NME7: variants seen among roughly 807,000 people sequenced by gnomAD.
NME7 encodes the protein nucleoside diphosphate kinase 7.
Under a neutral mutation model 49.1 loss-of-function variants are expected in NME7, and 41 were observed. The observed-to-expected ratio is 0.83, with a 90% CI of 0.65 to 1.08. The LOEUF (loss-of-function observed/expected upper bound fraction) is 1.08. Ranked by LOEUF, NME7 falls within the 50% of genes least tolerant of loss-of-function variation. The pLI is 0.00. For synonymous variants in NME7, 139 were observed against 150.6 expected, an observed-to-expected ratio of 0.92 and a Z score of 0.56; for missense variants, 423 against 463.4, an observed-to-expected ratio of 0.91 and a Z score of 0.80.
At chr1:169,350,134 G>C (rs936374742) in intron 1 of NME7, among the ~76,000 whole-genome samples, 6 of 151,322 alleles carry the variant, frequency 4.0e-5, no homozygotes, top group African/African-American at 1.5e-4. Context: ...GGAGGTTGCA[G>C]TGACCCAAGA....
intron 9 of NME7, 52 bp from the exon 10 acceptor site, chr1:169,230,871 C>T (rs1647584395): frequency 1.6e-6 from 2 of 1,277,954 alleles, no homozygotes; most frequent in African/African-American, 1.5e-5. Context: ...TTTTAACTCT[C>T]CCCTTTTAAT....
intron 6 of NME7, among the ~76,000 whole-genome samples, chr1:169,290,391 C>T (rs982993678): frequency 6.6e-6 from 1 of 152,038 alleles, no homozygotes; most frequent in Admixed American, 6.6e-5. Flanking sequence ...CTTTGACAAA[C>T]CTGACAAAAA....
chr1:169,223,520 A>G (rs1661207543), intron 10 of NME7, among the ~76,000 whole-genome samples: 1 of 152,184 alleles, frequency 6.6e-6, no homozygotes, highest in Non-Finnish European at 1.5e-5. Context: ...ATTTACTTAG[A>G]TGCTCAAATT....
intron 11 of NME7, among the ~76,000 whole-genome samples, chr1:169,161,539 T>C (rs1469818365): frequency 6.6e-6 from 1 of 152,202 alleles, no homozygotes; most frequent in African/African-American, 2.4e-5. Flanking sequence ...GAAGTAATTA[T>C]GTATCCAAAT....
chr1:169,314,684 G>A (rs1651541868), intron 3 of NME7, among the ~76,000 whole-genome samples: 1 of 151,878 alleles, frequency 6.6e-6, no homozygotes. Context: ...GTTGAAAGGT[G>A]CAGCAAACCA....
intron 7 of NME7, among the ~76,000 whole-genome samples, chr1:169,283,616 C>T (rs527943402): frequency 6.6e-6 from 1 of 152,138 alleles, no homozygotes; most frequent in Non-Finnish European, 1.5e-5. Context: ...GTGCTTCTTT[C>T]AAGAGCTCTC....
intron 11 of NME7, among the ~76,000 whole-genome samples, chr1:169,135,661 C>G (rs1339704522): frequency 6.6e-6 from 1 of 152,084 alleles, no homozygotes; most frequent in African/African-American, 2.4e-5. Flanking sequence ...GAAAGATGAT[C>G]AAGAAATAGA....
chr1:169,242,396 T>G (rs1438857342), intron 7 of NME7, among the ~76,000 whole-genome samples: 1 of 151,082 alleles, frequency 6.6e-6, no homozygotes, highest in African/African-American at 2.4e-5. Flanking sequence ...TCAAAAAAAC[T>G]GTAAGAAAAA....
rs1010585416 is a variant in NME7, at chr1:169,267,009, C to T, written c.754+20294G>A. ...CTTGAACCTGGGAGGTGGAGGTTGC[C>T]GTGAGCCGAGATCATGCCACTGCAC... On this transcript the variant is annotated intron_variant, in intron 7 of 11. Transcript: ENST00000367811. 7.6e-5 allele frequency among the ~76,000 whole-genome samples: 10 copies of T among 132,386 alleles called. 2 individuals carry two copies. The highest frequency in any genetic ancestry group is 4.5e-4 in the Admixed American group (6 of 13,476). 86.9% of individuals were successfully genotyped at this position (132,386 alleles called of 152,430 possible).
At chr1:169,219,023 A>G (rs1318211841) in intron 10 of NME7, among the ~76,000 whole-genome samples, 2 of 152,114 alleles carry the variant, frequency 1.3e-5, no homozygotes, top group African/African-American at 2.4e-5. Context: ...TTAATTTCCT[A>G]TAAGTAGGAG....
At chr1:169,245,682 A>G (rs1558005126) in intron 7 of NME7, among the ~76,000 whole-genome samples, 1 of 152,212 alleles carries the variant, frequency 6.6e-6, no homozygotes, top group African/African-American at 2.4e-5. Context: ...TTTAAAATTT[A>G]AATCTAGTGA....
chr1:169,349,164 C>A (rs1359972647), intron 1 of NME7, among the ~76,000 whole-genome samples: 1 of 151,928 alleles, frequency 6.6e-6, no homozygotes, highest in Non-Finnish European at 1.5e-5. Flanking sequence ...AAAGTGAGAG[C>A]AAGTTTATTA....
chr1:169,284,111 A>G (rs191571449), intron 7 of NME7: 34 of 152,246 alleles, frequency 2.2e-4, no homozygotes, highest in African/African-American at 7.9e-4. Flanking sequence ...GTCTTTTCAC[A>G]TAATCCCATA....
At chr1:169,335,551 G>T (rs534081147) in intron 1 of NME7, among the ~76,000 whole-genome samples, 4 of 151,836 alleles carry the variant, frequency 2.6e-5, no homozygotes, top group East Asian at 1.9e-4. Flanking sequence ...AGGGCCTGTT[G>T]TGGGGTGGGG....
intron 3 of NME7, among the ~76,000 whole-genome samples, chr1:169,312,032 T>C (rs901228337): frequency 1.3e-5 from 2 of 152,260 alleles, no homozygotes; most frequent in Non-Finnish European, 2.9e-5. Flanking sequence ...GTGACAAAGA[T>C]ATATCAGTAG....
intron 11 of NME7, among the ~76,000 whole-genome samples, chr1:169,161,421 T>C (rs893215120): frequency 2.6e-5 from 4 of 152,288 alleles, no homozygotes; most frequent in South Asian, 2.1e-4. Context: ...GGCCAAGAAA[T>C]TGGGGCCTGT....
intron 1 of NME7, among the ~76,000 whole-genome samples, chr1:169,336,611 C>T (rs1652485319): frequency 6.6e-6 from 1 of 151,912 alleles, no homozygotes; most frequent in Non-Finnish European, 1.5e-5. Context: ...ACACAGGGTG[C>T]TGATTGGTGT....
In NME7 at chr1:169,324,560, A is replaced by C. The variant is rs558590997; in HGVS notation, c.4-60T>G. On this transcript the variant is annotated intron_variant, in intron 1 of 11. Coordinates refer to ENST00000367811, the MANE Select transcript of NME7 (RefSeq NM_013330.5). ...ATATAAAGAACAAGCACTCTTCTGT[A>C]AGTCACACAAAATGAAATTACCAAT... The C allele has an allele frequency of 1.8e-5, 18 of 998,808 alleles. No individual in the cohort carries two copies. The Admixed American group carries it at 3.1e-4, about 17-fold the overall frequency. 61.9% of individuals were successfully genotyped at this position (998,808 alleles called of 1,614,324 possible). A position where few individuals can be genotyped will look rare whatever the true frequency, so the allele number is the denominator to read the frequency against.
rs891160185 is a variant in NME7, at chr1:169,136,080, C to T, written c.1099-3263G>A. Among the ~76,000 whole-genome samples, 9 of 152,236 alleles carry T rather than the reference C, an allele frequency of 5.9e-5. No homozygotes were observed. The East Asian group carries it at 1.2e-3, about 20-fold the overall frequency. Reference sequence around the variant, plus strand: ...TATACAGACCAGGCAGGAGGTGACACGGGTTAATTTAAAACAGCCAGCCAC... The same window carrying T: ...TATACAGACCAGGCAGGAGGTGACATGGGTTAATTTAAAACAGCCAGCCAC... On this transcript the variant is annotated intron_variant, in intron 11 of 11. Transcript: ENST00000367811.
Sources: gnomAD v4.1 joint callset for allele counts (sites outside exome capture counted in the v4.1 genomes callset) on GRCh38, gnomAD v4.1.1 for gene constraint, MANE v1.5 for transcripts, NCBI Gene and HGNC (gene_info 2026-07-23, HGNC 2026-07-21) for gene names.